The following LTBP1 variants were observed in gnomAD, a reference collection of about 807,000 sequenced individuals.
LTBP1 encodes the protein latent transforming growth factor beta binding protein 1.
A neutral mutation model predicts 207.6 loss-of-function variants in LTBP1; 129 were observed. The ratio of observed to expected loss-of-function variants is 0.62; its 90% CI spans 0.54 to 0.72. The LOEUF (loss-of-function observed/expected upper bound fraction) is 0.72. LTBP1 is among the 30% of genes least tolerant of loss of function. The pLI is 0.00. For synonymous variants in LTBP1, 963 were observed against 833.7 expected, an observed-to-expected ratio of 1.16 and a Z score of -2.67; for missense variants, 2,281 against 2,217.2, an observed-to-expected ratio of 1.03 and a Z score of -0.58.
chr2:33,360,608 G>T lies in LTBP1; in HGVS notation c.4012G>T (p.Asp1338Tyr). Residue 1338 changes from aspartate (D) to tyrosine (Y), a missense_variant, in exon 27 of 34, where the codon GAT becomes TAT. This residue lies in a region of LTBP1 where 1,671 missense variants were observed against 1,634.8 expected (regional missense o/e 1.02). Transcript: ENST00000404816. ...RSRTSTDLDV[D>Y]VDQPKEEKKE... ...TCTACTCCATTTAGATTTAGATGTA[G>T]ATGTAGATCAACCCAAAGAAGAAAA... The T allele has an allele frequency of 1.2e-6, 2 of 1,611,842 alleles. No homozygotes were observed. The highest frequency in any genetic ancestry group is 1.1e-5 in the South Asian group (1 of 91,044).
At chr2:33,326,554 A>G (rs1337425408) in intron 24 of LTBP1, among the ~76,000 whole-genome samples, 1 of 151,984 alleles carries the variant, frequency 6.6e-6, no homozygotes, top group African/African-American at 2.4e-5. Context: ...TCTTGACCTT[A>G]TTTGGGATGA....
chr2:33,228,621 A>C (rs2091588110), intron 9 of LTBP1, among the ~76,000 whole-genome samples: 1 of 151,908 alleles, frequency 6.6e-6, no homozygotes, highest in African/African-American at 2.4e-5. Flanking sequence ...TCTCAATTAG[A>C]CATTGAGACA....
intron 2 of LTBP1, among the ~76,000 whole-genome samples, chr2:32,995,217 T>A (rs1377572109): frequency 6.6e-6 from 1 of 151,676 alleles, no homozygotes; most frequent in Non-Finnish European, 1.5e-5. Context: ...TGACTGTTAC[T>A]CATAGCGAGG....
intron 31 of LTBP1, among the ~76,000 whole-genome samples, chr2:33,374,531 G>A (rs1277244858): frequency 3.3e-5 from 5 of 152,122 alleles, no homozygotes; most frequent in Non-Finnish European, 7.3e-5. Flanking sequence ...GCCGTCATGC[G>A]GGCACAGAGA....
chr2:33,314,768 T>C lies in LTBP1; in HGVS notation c.3605-376T>C, dbSNP rs1228513090. 2.6e-5 allele frequency among the ~76,000 whole-genome samples: 4 copies of C among 152,178 alleles called. No individual in the cohort carries two copies. In the East Asian group the frequency reaches 7.7e-4, roughly 29 times the overall value. On this transcript the variant is annotated intron_variant, in intron 23 of 33. Coordinates refer to ENST00000404816, the MANE Select transcript of LTBP1 (RefSeq NM_206943.4). Reference sequence around the variant, plus strand: ...GAATGTAACAAGGTACTACAGACTATAACAGCTGTGTGCATGGCAATGGGA... The same window carrying C: ...GAATGTAACAAGGTACTACAGACTACAACAGCTGTGTGCATGGCAATGGGA...
intron 4 of LTBP1, among the ~76,000 whole-genome samples, chr2:33,125,330 A>G (rs2081363347): frequency 6.6e-6 from 1 of 152,000 alleles, no homozygotes; most frequent in Admixed American, 6.6e-5. Context: ...AGCTTACATG[A>G]TTGTCATGTG....
At chr2:33,365,963 A>G (rs1254261883) in intron 31 of LTBP1, among the ~76,000 whole-genome samples, 1 of 152,200 alleles carries the variant, frequency 6.6e-6, no homozygotes, top group East Asian at 1.9e-4. Context: ...GGTTACAACA[A>G]AAAGGGAAAA....
rs577165135 is a variant in LTBP1, at chr2:33,006,598, G to A, written c.566-14311G>A. Among the ~76,000 whole-genome samples the A allele has an allele frequency of 3.3e-3, 500 of 151,972 alleles. 1 individual carries two copies. Among genetic ancestry groups the A allele is most frequent in the South Asian group, 4.6e-3 (22 of 4,792 alleles). On this transcript the variant is annotated intron_variant, in intron 2 of 33. Coordinates refer to ENST00000404816, the MANE Select transcript of LTBP1 (RefSeq NM_206943.4). ...GGATTTCACCATGTTGGCCAGGCTG[G>A]TCTCAAACTCCTGACTTCAAGTGAT...
Position 33,257,280 on chromosome 2 carries a change from C to A in LTBP1, c.2168-4C>A, listed in dbSNP as rs774087021. The A allele has an allele frequency of 1.2e-6, 2 of 1,609,376 alleles. No individual in the cohort carries two copies. The highest frequency in any genetic ancestry group is 1.1e-5 in the South Asian group (1 of 91,000). ...AAAGGAATATTTTCCCATCCCAAAT[C>A]TAGCTGCTTTTAAGGAAATCTGTCC... On this transcript the variant is annotated splice_region_variant and splice_polypyrimidine_tract_variant and intron_variant, in intron 11 of 33. Coordinates refer to ENST00000404816, the MANE Select transcript of LTBP1 (RefSeq NM_206943.4).
At chr2:33,230,756 T>G (rs1400877883) in intron 9 of LTBP1, among the ~76,000 whole-genome samples, 1 of 152,202 alleles carries the variant, frequency 6.6e-6, no homozygotes, top group Non-Finnish European at 1.5e-5. Context: ...AGAATTTGGT[T>G]CTGAAAGTAC....
rs200389997 is a variant in LTBP1 at position 33,068,258 on chromosome 2, GT to G, written c.864-42313del. 1.2e-3 allele frequency among the ~76,000 whole-genome samples: 179 copies of G among 146,560 alleles called. No homozygotes were observed. In the Middle Eastern group the frequency reaches 0.017, roughly 14 times the overall value. On this transcript the variant is annotated intron_variant, in intron 3 of 33. Coordinates refer to ENST00000404816, the MANE Select transcript of LTBP1 (RefSeq NM_206943.4). ...AAGTCATGTAGTAGTTGCATGTTTA[GT>G]TTTTTTTTTTAAACAATAAACATTA... is the stretch of plus-strand genomic sequence containing the variant.
intron 5 of LTBP1, among the ~76,000 whole-genome samples, chr2:33,145,081 G>A (rs1310912219): frequency 6.6e-6 from 1 of 152,058 alleles, no homozygotes; most frequent in African/African-American, 2.4e-5. Flanking sequence ...CCCTTCCATT[G>A]CCAATTTAAT....
At chr2:33,165,333 G>A (rs376105730) in intron 5 of LTBP1, among the ~76,000 whole-genome samples, 4 of 152,318 alleles carry the variant, frequency 2.6e-5, no homozygotes, top group South Asian at 2.1e-4. Flanking sequence ...TAGGCGAGAC[G>A]CTGAAGAGAG....
At chr2:33,185,012 A>G (rs1315924038) in intron 5 of LTBP1, among the ~76,000 whole-genome samples, 1 of 152,148 alleles carries the variant, frequency 6.6e-6, no homozygotes, top group East Asian at 1.9e-4. Context: ...GAATGCTTCT[A>G]GAAGTGAGGT....
intron 2 of LTBP1, among the ~76,000 whole-genome samples, chr2:32,990,154 C>T (rs1011529193): frequency 3.3e-5 from 5 of 152,152 alleles, no homozygotes; most frequent in Non-Finnish European, 7.3e-5. Flanking sequence ...TTCACCATTT[C>T]GGGAGCTGCT....
intron 7 of LTBP1, among the ~76,000 whole-genome samples, chr2:33,205,954 A>T (rs998188293): frequency 2.0e-5 from 3 of 152,138 alleles, no homozygotes; most frequent in Non-Finnish European, 2.9e-5. Context: ...CCTCACCAAA[A>T]ATCCACCATG....
At chr2:33,194,995 A>G (rs1404699976) in intron 7 of LTBP1, among the ~76,000 whole-genome samples, 2 of 152,238 alleles carry the variant, frequency 1.3e-5, no homozygotes, top group African/African-American at 4.8e-5. Context: ...GGATGACGGC[A>G]CATGTGTTTG....
intron 9 of LTBP1, among the ~76,000 whole-genome samples, chr2:33,231,963 AC>A (rs1242586333): frequency 6.6e-6 from 1 of 152,202 alleles, no homozygotes; most frequent in African/African-American, 2.4e-5. Context: ...AGGTATAAGA[AC>A]TACTGCAGTG....
chr2:33,110,636 A>G lies in LTBP1; in HGVS notation c.918A>G (p.Glu306=). 2 of 1,614,182 alleles carry G rather than the reference A, an allele frequency of 1.2e-6. No individual in the cohort carries two copies. Among genetic ancestry groups the G allele is most frequent in the Non-Finnish European group, 1.7e-6 (2 of 1,180,012 alleles). Residue 306 remains glutamate (E), a synonymous_variant, in exon 4 of 34, where the codon GAA becomes GAG. Transcript: ENST00000404816. ...SVVIHHGQTQ[E]YVLKPKYFPA... is the part of the protein sequence containing the mutation. Reference sequence around the variant, plus strand: ...TGATTCACCATGGCCAGACCCAGGAATACGTGCTCAAGCCCAAGTACTTTC... The same window carrying G: ...TGATTCACCATGGCCAGACCCAGGAGTACGTGCTCAAGCCCAAGTACTTTC...
Sources: allele counts gnomAD v4.1 joint callset (sites outside exome capture counted in the v4.1 genomes callset), GRCh38; gene constraint gnomAD v4.1.1; regional missense constraint gnomAD v4.1.1; transcripts MANE v1.5; gene names NCBI Gene and HGNC (gene_info 2026-07-23, HGNC 2026-07-21).